The following ASCC1 variants were observed in gnomAD, a reference collection of about 807,000 sequenced individuals.
ASCC1 encodes ASC-1 complex subunit P50.
In ASCC1, 35 loss-of-function variants were observed where a neutral mutation model predicts 46.6. That is an observed-to-expected ratio of 0.75 (90% confidence interval 0.57 to 0.99). The LOEUF (loss-of-function observed/expected upper bound fraction) is 0.99, where lower values mean the gene tolerates loss of function less well. Ranked by LOEUF, ASCC1 falls within the 50% of genes least tolerant of loss-of-function variation. The pLI, the probability that ASCC1 is intolerant of heterozygous loss-of-function variation, is 0.00. For missense variants in ASCC1, 376 were observed against 428.7 expected, an observed-to-expected ratio of 0.88 and a Z score of 1.09; for synonymous variants, 143 against 146.6, an observed-to-expected ratio of 0.98 and a Z score of 0.18.
intron 5 of ASCC1, among the ~76,000 whole-genome samples, chr10:72,194,891 C>T (rs1026361634): frequency 5.3e-5 from 8 of 151,906 alleles, no homozygotes; most frequent in African/African-American, 1.9e-4. Flanking sequence ...TACAGATATG[C>T]GCCACCAGGC....
intron 5 of ASCC1, among the ~76,000 whole-genome samples, chr10:72,185,550 A>G (rs751331602): frequency 3.9e-5 from 6 of 152,188 alleles, no homozygotes; most frequent in African/African-American, 7.2e-5. Flanking sequence ...AAGTCACACA[A>G]AAGACTATAT....
intron 9 of ASCC1, among the ~76,000 whole-genome samples, chr10:72,113,589 T>G (rs756913307): frequency 2.0e-5 from 3 of 152,180 alleles, no homozygotes; most frequent in East Asian, 1.9e-4. Flanking sequence ...AGGAAAAAAT[T>G]TGGTGAAACA....
chr10:72,127,641 GT>G (rs1481940493), intron 9 of ASCC1, among the ~76,000 whole-genome samples: 1 of 150,668 alleles, frequency 6.6e-6, no homozygotes, highest in Non-Finnish European at 1.5e-5. Context: ...ATGAATCCAA[GT>G]GGTTGGAATA....
intron 5 of ASCC1, among the ~76,000 whole-genome samples, chr10:72,165,760 A>C (rs1476472181): frequency 1.3e-5 from 2 of 152,226 alleles, no homozygotes; most frequent in African/African-American, 4.8e-5. Context: ...AAATGTGTCA[A>C]GGAAGGCTAA....
At chr10:72,197,467 C>CAAAAAAAAAAAAAAAAAAAAAAAAAA (rs59460393) in intron 4 of ASCC1, among the ~76,000 whole-genome samples, 1 of 51,364 alleles carries the variant, frequency 1.9e-5, no homozygotes. Context: ...GACTCTATCT[C>CAAAAAAAAAAAAAAAAAAAAAAAAAA]AAAAAAAAAA....
chr10:72,137,105 G>A (rs764848147), intron 7 of ASCC1, among the ~76,000 whole-genome samples: 4 of 151,770 alleles, frequency 2.6e-5, no homozygotes, highest in Admixed American at 2.0e-4. Context: ...TTGTAGAGAC[G>A]GGGTATCACT....
chr10:72,195,145 T>G (rs1408352375), intron 5 of ASCC1, among the ~76,000 whole-genome samples: 1 of 134,116 alleles, frequency 7.5e-6, no homozygotes, highest in African/African-American at 2.8e-5. Context: ...CTGTGTTTTT[T>G]TTTTTTTTTT....
chr10:72,152,092 A>C (rs950992922), intron 7 of ASCC1, among the ~76,000 whole-genome samples: 1 of 150,840 alleles, frequency 6.6e-6, no homozygotes, highest in African/African-American at 2.4e-5. Context: ...CCTTAGGCTC[A>C]GGTGATCCTC....
chr10:72,172,847 A>G (rs7904827), intron 5 of ASCC1, among the ~76,000 whole-genome samples: 1,600 of 131,734 alleles, frequency 0.012, 36 homozygotes, highest in African/African-American at 0.043. Context: ...TATATTATAT[A>G]TAATATTTTT....
rs530949055 is a variant in ASCC1, at chr10:72,116,198, A to T, written c.957+11884T>A. On this transcript the variant is annotated intron_variant, in intron 9 of 9. Transcript: ENST00000672957. ...ACACTTATAAAAATGTAATAAGAAT[A>T]GTAAAAGGAATCCTGAATAGTTTTA... Among the ~76,000 whole-genome samples the T allele has an allele frequency of 5.9e-5, 9 of 152,382 alleles. No homozygotes were observed. The South Asian group carries it at 1.7e-3, about 28-fold the overall frequency.
intron 9 of ASCC1, among the ~76,000 whole-genome samples, chr10:72,116,992 G>A (rs780256021): frequency 9.9e-5 from 15 of 152,098 alleles, no homozygotes; most frequent in Admixed American, 2.6e-4. Flanking sequence ...GAGTGCAGTG[G>A]CATGATCTCA....
chr10:72,162,667 G>C (rs1431721591), intron 5 of ASCC1, among the ~76,000 whole-genome samples: 1 of 151,976 alleles, frequency 6.6e-6, no homozygotes, highest in East Asian at 1.9e-4. Flanking sequence ...AAGGGACCAG[G>C]CACAGTGGCT....
chr10:72,216,832 A>G (rs1385891311), upstream of ASCC1: 1 of 456,092 alleles, frequency 2.2e-6, no homozygotes, highest in Non-Finnish European at 4.4e-6. Context: ...TGACAGGGCC[A>G]AGTCCCAGGA....
rs1251121626 is a variant in ASCC1, at chr10:72,203,534, A to G, written c.213-10T>C. 3 of 1,548,464 alleles carry G rather than the reference A, an allele frequency of 1.9e-6. No homozygotes were observed. The highest frequency in any genetic ancestry group is 2.7e-6 in the Non-Finnish European group (3 of 1,121,702). The stretch of plus-strand genomic sequence containing the variant: ...CTTTCCAACTATATGCCTGTAACAT[A>G]AAGTAATTAAAAGAAGATTAAGTCA... On this transcript the variant is annotated splice_polypyrimidine_tract_variant and intron_variant, in intron 3 of 9. Coordinates refer to ENST00000672957, the MANE Select transcript of ASCC1 (RefSeq NM_001198800.3).
chr10:72,139,108 C>CTTTTTTTT (rs1410544512), intron 7 of ASCC1, among the ~76,000 whole-genome samples: 3 of 144,764 alleles, frequency 2.1e-5, no homozygotes, highest in African/African-American at 8.0e-5. Context: ...TTTCTTTTTT[C>CTTTTTTTT]TTTTTCTTTT....
chr10:72,178,845 A>G (rs1852195154), intron 5 of ASCC1, among the ~76,000 whole-genome samples: 2 of 152,224 alleles, frequency 1.3e-5, no homozygotes. Context: ...AGATCCCAAA[A>G]GCACTTGACG....
chr10:72,162,197 A>ATC (rs1849773327), intron 5 of ASCC1, among the ~76,000 whole-genome samples: 2 of 152,160 alleles, frequency 1.3e-5, no homozygotes, highest in South Asian at 4.1e-4. Context: ...TTGAGACAGA[A>ATC]TCTCGCTCTG....
intron 6 of ASCC1, among the ~76,000 whole-genome samples, chr10:72,158,586 T>C (rs1406056833): frequency 1.3e-5 from 2 of 152,246 alleles, no homozygotes; most frequent in Non-Finnish European, 2.9e-5. Flanking sequence ...ACTCCTGTTT[T>C]TGGTCTCATA....
intron 9 of ASCC1, among the ~76,000 whole-genome samples, chr10:72,109,169 T>G (rs1259731792): frequency 6.6e-6 from 1 of 152,080 alleles, no homozygotes; most frequent in Non-Finnish European, 1.5e-5. Context: ...GCACCTCAGA[T>G]CCAAGGAGAA....
Sources: allele counts gnomAD v4.1 joint callset (sites outside exome capture counted in the v4.1 genomes callset), GRCh38; gene constraint gnomAD v4.1.1; transcripts MANE v1.5; gene names NCBI Gene and HGNC (gene_info 2026-07-23, HGNC 2026-07-21).